Variants in LIMCH1 observed in about 807,000 individuals in gnomAD.
LIMCH1 encodes LIM and calponin homology domains 1.
LIMCH1 carries 113 observed loss-of-function variants against 176.5 expected under a neutral mutation model. The observed-to-expected ratio is 0.64, with a 90% CI of 0.55 to 0.75. LIMCH1 has a LOEUF of 0.75. LIMCH1 is among the 30% of genes least tolerant of loss of function. The pLI, the probability that LIMCH1 is intolerant of heterozygous loss-of-function variation, is 0.00. For missense variants in LIMCH1, 1,674 were observed against 1,814.9 expected (o/e 0.92, Z 1.41); for synonymous variants, 619 against 645.9 (o/e 0.96, Z 0.63).
At chr4:41,447,698 G>A (rs1444710303) in intron 1 of LIMCH1, among the ~76,000 whole-genome samples, 2 of 152,210 alleles carry the variant, frequency 1.3e-5, no homozygotes, top group Admixed American at 6.5e-5. Flanking sequence ...ATGTCTGTCT[G>A]TCTTACCAAC....
At chr4:41,442,516 G>T (rs1282622529) in intron 1 of LIMCH1, among the ~76,000 whole-genome samples, 1 of 151,992 alleles carries the variant, frequency 6.6e-6, no homozygotes, top group Non-Finnish European at 1.5e-5. Flanking sequence ...GAATTAATTG[G>T]GTGTATAACC....
chr4:41,492,340 G>A (rs1002086148), intron 1 of LIMCH1, among the ~76,000 whole-genome samples: 1 of 151,910 alleles, frequency 6.6e-6, no homozygotes, highest in Non-Finnish European at 1.5e-5. Flanking sequence ...CAGGGAGGTT[G>A]CAGCGAGCCG....
chr4:41,423,261 A>G (rs758005375), intron 1 of LIMCH1, among the ~76,000 whole-genome samples: 10 of 152,238 alleles, frequency 6.6e-5, no homozygotes, highest in Admixed American at 2.0e-4. Flanking sequence ...CTTTCCAAGT[A>G]ATCTTTTCAG....
At chr4:41,688,100 A>G (rs981802656) in intron 29 of LIMCH1, among the ~76,000 whole-genome samples, 183 bp downstream of exon 29, 2 of 152,228 alleles carry the variant, frequency 1.3e-5, no homozygotes, top group Non-Finnish European at 2.9e-5. Flanking sequence ...CAGATTTATC[A>G]GCTGCAATAG....
At chr4:41,468,768 C>A (rs2066527149) in intron 1 of LIMCH1, among the ~76,000 whole-genome samples, 1 of 152,182 alleles carries the variant, frequency 6.6e-6, no homozygotes, top group East Asian at 1.9e-4. Flanking sequence ...CTTTGAGAGT[C>A]TTACTTTCGT....
chr4:41,503,621 G>A (rs950440856), intron 2 of LIMCH1, among the ~76,000 whole-genome samples: 2 of 152,076 alleles, frequency 1.3e-5, no homozygotes, highest in African/African-American at 2.4e-5. Flanking sequence ...AGGGACTTAC[G>A]TTTTCAGACC....
intron 1 of LIMCH1, among the ~76,000 whole-genome samples, chr4:41,449,593 C>T (rs547594601): frequency 9.2e-5 from 14 of 152,244 alleles, no homozygotes; most frequent in African/African-American, 3.4e-4. Flanking sequence ...TTTGCACTTT[C>T]CCGCATGTCT....
intron 1 of LIMCH1, among the ~76,000 whole-genome samples, chr4:41,391,472 G>C (rs1485637994): frequency 9.9e-5 from 15 of 152,154 alleles, no homozygotes; most frequent in Admixed American, 8.5e-4. Context: ...GGCTGATATA[G>C]TGACTCATTT....
chr4:41,610,330 A>T (rs1387661974), intron 4 of LIMCH1, among the ~76,000 whole-genome samples: 1 of 152,178 alleles, frequency 6.6e-6, no homozygotes, highest in African/African-American at 2.4e-5. Context: ...TAGCTGTGTC[A>T]TTTCCAGATG....
intron 1 of LIMCH1, among the ~76,000 whole-genome samples, chr4:41,436,262 G>T (rs780285047): frequency 6.6e-6 from 1 of 152,088 alleles, no homozygotes; most frequent in Non-Finnish European, 1.5e-5. Context: ...TTCACTGTTC[G>T]CACTTCTCCG....
At chr4:41,635,878 T>A (rs1007691492) in intron 13 of LIMCH1, among the ~76,000 whole-genome samples, 1 of 152,168 alleles carries the variant, frequency 6.6e-6, no homozygotes, top group Non-Finnish European at 1.5e-5. Flanking sequence ...CATAGGCTAT[T>A]CCCTTTATCT....
chr4:41,455,659 A>G (rs1489065989), intron 1 of LIMCH1, among the ~76,000 whole-genome samples: 2 of 152,178 alleles, frequency 1.3e-5, no homozygotes, highest in African/African-American at 4.8e-5. Context: ...ACCCAAATAA[A>G]ACAGCTGTAT....
At chr4:41,556,581 A>T (rs2081298251) in intron 1 of LIMCH1, among the ~76,000 whole-genome samples, 1 of 151,946 alleles carries the variant, frequency 6.6e-6, no homozygotes, top group South Asian at 2.1e-4. Context: ...GACCCTGCCT[A>T]GGAAGTACAT....
intron 1 of LIMCH1, among the ~76,000 whole-genome samples, chr4:41,395,687 G>C (rs2057732730): frequency 6.6e-6 from 1 of 152,076 alleles, no homozygotes; most frequent in Non-Finnish European, 1.5e-5. Flanking sequence ...AAAGTCTTGA[G>C]TGTATTTTTT....
intron 1 of LIMCH1, among the ~76,000 whole-genome samples, chr4:41,439,734 C>A (rs1310631843): frequency 6.6e-6 from 1 of 152,112 alleles, no homozygotes; most frequent in Non-Finnish European, 1.5e-5. Flanking sequence ...GAAACCCAGT[C>A]TCTACTAAAG....
intron 7 of LIMCH1, among the ~76,000 whole-genome samples, chr4:41,625,839 A>C (rs2092915205): frequency 6.6e-6 from 1 of 152,090 alleles, no homozygotes; most frequent in Non-Finnish European, 1.5e-5. Context: ...ATTCCAAAAA[A>C]TTCTGCCCAA....
intron 27 of LIMCH1, among the ~76,000 whole-genome samples, 173 bp downstream of exon 27, chr4:41,684,691 A>G (rs781746685): frequency 2.0e-5 from 3 of 152,202 alleles, no homozygotes; most frequent in Admixed American, 6.5e-5. Flanking sequence ...CTCAGACTCT[A>G]TAGGAACTTG....
At chr4:41,586,186 G>A (rs1444265534) in intron 1 of LIMCH1, among the ~76,000 whole-genome samples, 1 of 149,506 alleles carries the variant, frequency 6.7e-6, no homozygotes, top group Non-Finnish European at 1.5e-5. Context: ...TCAGCTCACT[G>A]CATCCTCAAC....
intron 3 of LIMCH1, among the ~76,000 whole-genome samples, chr4:41,531,474 T>TCACACACACACACACACACA (rs59275736): frequency 3.0e-4 from 38 of 126,986 alleles, no homozygotes; most frequent in African/African-American, 1.1e-3. Flanking sequence ...TCTTTCTCTG[T>TCACACACACACACACACACA]CACACACACA....
Sources: gnomAD v4.1 joint callset for allele counts (sites outside exome capture counted in the v4.1 genomes callset) on GRCh38, gnomAD v4.1.1 for gene constraint, MANE v1.5 for transcripts, NCBI Gene and HGNC (gene_info 2026-07-23, HGNC 2026-07-21) for gene names.